Variants in SPTBN4 observed in about 807,000 individuals in gnomAD.
The protein encoded by SPTBN4 is spectrin beta, non-erythrocytic 4, also known as spectrin beta chain, non-erythrocytic 4.
SPTBN4 carries 96 observed loss-of-function variants against 277.8 expected under a neutral mutation model. The observed-to-expected ratio is 0.35, with a 90% CI of 0.29 to 0.41. The LOEUF (loss-of-function observed/expected upper bound fraction) is 0.41. Ranked by LOEUF, SPTBN4 falls within the 10% of genes least tolerant of loss-of-function variation. The pLI, the probability that SPTBN4 is intolerant of heterozygous loss-of-function variation, is 1.00. For missense variants in SPTBN4, 3,006 were observed against 3,595.7 expected (o/e 0.84, Z 4.19); for synonymous variants, 1,481 against 1,580.3 (o/e 0.94, Z 1.49).
chr19:40,568,421 G>A, intron 31 of SPTBN4, 139 bp downstream of exon 31: 2 of 1,261,876 alleles, frequency 1.6e-6, no homozygotes, highest in Non-Finnish European at 2.1e-6. Flanking sequence ...CCATTTTGCA[G>A]AGGTGTAAAC....
chr19:40,471,274 C>G (rs1410748027), intron 1 of SPTBN4, among the ~76,000 whole-genome samples: 1 of 152,128 alleles, frequency 6.6e-6, no homozygotes, highest in African/African-American at 2.4e-5. Context: ...ATCCTAGATA[C>G]TAACTGGCTG....
intron 1 of SPTBN4, among the ~76,000 whole-genome samples, chr19:40,471,154 C>A (rs2079880326): frequency 6.6e-6 from 1 of 152,028 alleles, no homozygotes; most frequent in Non-Finnish European, 1.5e-5. Context: ...ACCATGTTGG[C>A]CAGGCCGGTC....
chr19:40,486,331 G>C (rs1318956987), intron 2 of SPTBN4, among the ~76,000 whole-genome samples: 2 of 151,980 alleles, frequency 1.3e-5, no homozygotes, highest in Admixed American at 6.6e-5. Flanking sequence ...AGCAAGTGTT[G>C]GCAAGGATTT....
intron 1 of SPTBN4, among the ~76,000 whole-genome samples, chr19:40,472,309 TGTTG>T (rs2079894174): frequency 6.6e-6 from 1 of 151,856 alleles, no homozygotes; most frequent in Non-Finnish European, 1.5e-5. Flanking sequence ...CCTCTCAAAG[TGTTG>T]GGATTATAGG....
intron 20 of SPTBN4, among the ~76,000 whole-genome samples, chr19:40,542,932 C>G (rs1462373491): frequency 6.6e-6 from 1 of 152,012 alleles, no homozygotes; most frequent in African/African-American, 2.4e-5. Context: ...TATGAAGGTG[C>G]TGGCTCGGGG....
intron 27 of SPTBN4, among the ~76,000 whole-genome samples, chr19:40,563,156 G>C (rs2081059954): frequency 6.6e-6 from 1 of 152,016 alleles, no homozygotes; most frequent in Non-Finnish European, 1.5e-5. Flanking sequence ...AGGCTGCAGT[G>C]AGCCATGATT....
chr19:40,498,894 G>T lies in SPTBN4; in HGVS notation c.784+1290G>T, dbSNP rs551143663. 4.9e-4 allele frequency among the ~76,000 whole-genome samples: 74 copies of T among 151,742 alleles called. 2 individuals are homozygous for T. The South Asian group carries it at 0.011, about 23-fold the overall frequency. On this transcript the variant is annotated intron_variant, in intron 7 of 35. Coordinates refer to ENST00000598249, the MANE Select transcript of SPTBN4 (RefSeq NM_020971.3). ...TTTTTGTATTTTTAGTAGAGGTGGGGTTTCATCATGTTGCCCAGGCTGGTC... is the reference window on the plus strand; with the variant it reads ...TTTTTGTATTTTTAGTAGAGGTGGGTTTTCATCATGTTGCCCAGGCTGGTC...
chr19:40,570,515 C>T lies in SPTBN4; in HGVS notation c.7106C>T (p.Pro2369Leu), dbSNP rs759483017. 13 of 1,506,092 alleles carry T rather than the reference C, an allele frequency of 8.6e-6. No individual in the cohort carries two copies. The South Asian group carries it at 1.2e-4, about 14-fold the overall frequency. The allele number at this position is 1,506,092 out of a possible 1,614,324, so 93.3% of individuals were successfully genotyped here. The change falls in exon 33 of 36, where the codon CCG becomes CTG. Residue 2369 changes from proline to leucine, a missense_variant. Physicochemically the swap from Pro to Leu is moderately conservative, Grantham distance 98. Around this residue, in one of 5 missense-constraint regions of SPTBN4, gnomAD observed 630 missense variants for 677.6 expected, o/e 0.93. Coordinates refer to ENST00000598249, the MANE Select transcript of SPTBN4 (RefSeq NM_020971.3). ...GLELPERTPR[P>L]DRPRARDRPK... is the part of the protein sequence containing the mutation. ...GAGCTGCCCGAGCGGACACCTCGGC[C>T]GGACCGGCCCCGGGCGCGGGACCGG...
At chr19:40,468,457 A>G (rs141541883) in intron 1 of SPTBN4, among the ~76,000 whole-genome samples, 1,682 of 151,324 alleles carry the variant, frequency 0.011, 33 homozygotes, top group African/African-American at 0.039. Context: ...GCTCACTGCA[A>G]CCTCCATCCC....
intron 7 of SPTBN4, 59 bp from the exon 8 acceptor site, chr19:40,501,862 C>T: frequency 6.9e-7 from 1 of 1,459,526 alleles, no homozygotes; most frequent in African/African-American, 1.4e-5. Context: ...CATCCAATAC[C>T]TTCAAGCACT....
Position 40,519,695 on chromosome 19 carries a change from G to A in SPTBN4, c.3198G>A (p.Leu1066=). The A allele has an allele frequency of 1.4e-6, 2 of 1,389,288 alleles. No homozygotes were observed. The highest frequency in any genetic ancestry group is 1.8e-6 in the Non-Finnish European group (2 of 1,082,746). The allele number at this position is 1,389,288 out of a possible 1,614,324, so 86.1% of individuals were successfully genotyped here. The change falls in exon 16 of 36, where the codon CTG becomes CTA. Residue 1066 remains leucine, a synonymous_variant. Transcript: ENST00000598249. This position sits in a 1 kb window ranked among gnomAD's most constrained non-coding sequence, Gnocchi z 5.7. The part of the protein sequence containing the change: ...AARLHQGAEE[L]GAEWGALASA... Reference sequence around the variant, plus strand: ...GGCTGCACCAGGGCGCGGAGGAGCTGGGCGCCGAGTGGGGCGCGCTAGCTA... The same window carrying A: ...GGCTGCACCAGGGCGCGGAGGAGCTAGGCGCCGAGTGGGGCGCGCTAGCTA...
chr19:40,512,948 G>A lies in SPTBN4; in HGVS notation c.2159G>A (p.Arg720Gln). The stretch of plus-strand genomic sequence containing the variant: ...CGAGCGTTGCTGCAGCAGGCCCTGC[G>A]GTGTGGCGAGGAGCTGGTTGCGGCC... ...GRRALLQQAL[R>Q]CGEELVAAGG... Residue 720 changes from arginine (R) to glutamine (Q), a missense_variant, in exon 14 of 36, where the codon CGG becomes CAG. By Grantham distance (43) the Arg-to-Gln change is conservative. Around this residue, in one of 5 missense-constraint regions of SPTBN4, gnomAD observed 1,759 missense variants for 2,061.5 expected, o/e 0.85. Coordinates refer to ENST00000598249, the MANE Select transcript of SPTBN4 (RefSeq NM_020971.3). The A allele has an allele frequency of 7.1e-7, 1 of 1,417,254 alleles. No homozygotes were observed. The highest frequency in any genetic ancestry group is 9.1e-7 in the Non-Finnish European group (1 of 1,096,638). The allele number at this position is 1,417,254 out of a possible 1,614,324, so 87.8% of individuals were successfully genotyped here. A position where few individuals can be genotyped will look rare whatever the true frequency, so the allele number is the denominator to read the frequency against.
intron 1 of SPTBN4, among the ~76,000 whole-genome samples, chr19:40,470,822 C>T (rs1021179389): frequency 4.9e-5 from 7 of 143,348 alleles, no homozygotes; most frequent in African/African-American, 7.9e-5. Context: ...CAGTAGAGAC[C>T]GGGTTTCACC....
chr19:40,505,221 C>CAAA (rs60448674), intron 12 of SPTBN4, among the ~76,000 whole-genome samples: 4 of 75,028 alleles, frequency 5.3e-5, no homozygotes, highest in East Asian at 5.2e-4. Flanking sequence ...CCTGTCTGTA[C>CAAA]AAAAAAAAAA....
intron 7 of SPTBN4, among the ~76,000 whole-genome samples, chr19:40,499,348 TA>T (rs758403327): frequency 1.3e-5 from 2 of 152,042 alleles, no homozygotes; most frequent in Non-Finnish European, 2.9e-5. Flanking sequence ...CTTACTTATT[TA>T]TTTTTTTATC....
intron 25 of SPTBN4, 28 bp from the exon 26 acceptor site, chr19:40,556,995 T>TTGGCC: frequency 6.7e-7 from 1 of 1,484,792 alleles, no homozygotes; most frequent in Non-Finnish European, 9.0e-7. Context: ...CACTTTGCTG[T>TTGGCC]ACCCCCCCCC....
Position 40,575,500 on chromosome 19 carries a change from TTCA to T in SPTBN4, c.7629_7631del (p.Ser2544del). ...GCTGGGGCCAGACACTACCCACTAC[TTCA>T]TCCACAGATGAGGGCAACCCTAAGA... On this transcript the variant is annotated inframe_deletion, in exon 36 of 36. Coordinates refer to ENST00000598249, the MANE Select transcript of SPTBN4 (RefSeq NM_020971.3). The T allele has an allele frequency of 6.2e-7, 1 of 1,613,510 alleles. No homozygotes were observed. Among genetic ancestry groups the T allele is most frequent in the South Asian group, 1.1e-5 (1 of 90,986 alleles).
chr19:40,534,898 G>A (rs985628436), intron 20 of SPTBN4: 39 of 157,094 alleles, frequency 2.5e-4, no homozygotes, highest in Non-Finnish European at 4.2e-4. Flanking sequence ...CAGACGCAGC[G>A]TCTGCTTTGT....
At chr19:40,559,845 A>G (rs1026230734) in intron 26 of SPTBN4, among the ~76,000 whole-genome samples, 1 of 152,236 alleles carries the variant, frequency 6.6e-6, no homozygotes, top group Non-Finnish European at 1.5e-5. Context: ...CAAAGTGGAA[A>G]GGGGTTTCCT....
Sources: allele counts gnomAD v4.1 joint callset (sites outside exome capture counted in the v4.1 genomes callset), GRCh38; gene constraint gnomAD v4.1.1; regional missense constraint gnomAD v4.1.1; non-coding constraint Gnocchi (gnomAD v3.1); transcripts MANE v1.5; gene names NCBI Gene and HGNC (gene_info 2026-07-23, HGNC 2026-07-21).